The following STRN4 variants were observed in gnomAD, a reference collection of about 807,000 sequenced individuals.
The protein encoded by STRN4 is striatin 4.
A neutral mutation model predicts 77.9 loss-of-function variants in STRN4; 27 were observed. The observed-to-expected ratio is 0.35, with a 90% CI of 0.26 to 0.48. STRN4 has a LOEUF of 0.48. Ranked by LOEUF, STRN4 falls within the 20% of genes least tolerant of loss-of-function variation. The pLI is 0.99. For missense variants in STRN4, 798 were observed against 1,049.7 expected (o/e 0.76, Z 3.31); for synonymous variants, 466 against 443.1 (o/e 1.05, Z -0.65).
rs1403021631 is a variant in STRN4 at position 46,722,396 on chromosome 19, G to T, written c.1907-56C>A. 7.7e-6 allele frequency: 12 copies of T among 1,556,398 alleles called. No homozygotes were observed. The Admixed American group carries it at 2.0e-4, about 26-fold the overall frequency. ...GTCAAGCAGAAAATCAGGAAGACCA[G>T]AACAGAGGCACAAGCGCAGCGTGAC... On this transcript the variant is annotated intron_variant, in intron 14 of 17. Transcript: ENST00000263280.
intron 1 of STRN4, among the ~76,000 whole-genome samples, chr19:46,739,955 G>A (rs2054444415): frequency 6.6e-6 from 1 of 152,188 alleles, no homozygotes; most frequent in African/African-American, 2.4e-5. Flanking sequence ...TTCCTTACGG[G>A]AGGTAGGATC....
At position 46,720,686 on chromosome 19, in the gene STRN4, C is replaced by T; in HGVS notation, c.2178G>A (p.Glu726=). The change falls in exon 17 of 18, where the codon GAG becomes GAA. Residue 726 remains glutamate (E), a synonymous_variant. Transcript: ENST00000263280. ...GGTGGCAGGCAACAGCGTGGATGGC[C>T]TCCTCGTGCTTCTTGCGGTGGGCCG... The part of the protein sequence containing the change: ...EITAHRKKHE[E]AIHAVACHPS... The T allele has an allele frequency of 6.2e-7, 1 of 1,611,284 alleles. No homozygotes were observed. Among genetic ancestry groups the T allele is most frequent in the Non-Finnish European group, 8.5e-7 (1 of 1,178,478 alleles).
At chr19:46,727,804 C>G (rs2054155006) in intron 8 of STRN4, 90 bp downstream of exon 8, 2 of 1,230,832 alleles carry the variant, frequency 1.6e-6, no homozygotes, top group Admixed American at 5.1e-5. Flanking sequence ...GGGCCTCGAC[C>G]CTGAAGACAC....
Position 46,728,662 on chromosome 19 carries a change from G to A in STRN4, c.995C>T (p.Pro332Leu), listed in dbSNP as rs1194463620. 6.2e-7 allele frequency: 1 copy of A among 1,614,146 alleles called. No individual in the cohort carries two copies. The highest frequency in any genetic ancestry group is 1.3e-5 in the African/African-American group (1 of 75,070). The change falls in exon 7 of 18, where the codon CCA becomes CTA. Residue 332 changes from proline (P) to leucine (L), a missense_variant. Physicochemically the swap from Pro to Leu is moderately conservative, Grantham distance 98. Coordinates refer to ENST00000263280, the MANE Select transcript of STRN4 (RefSeq NM_013403.3). Reference sequence around the variant, plus strand: ...ATCCACAGTGCACCGCCGAGGGTCTGGAGCCCCTTCCCCATCCTCTCCTGA... The same window carrying A: ...ATCCACAGTGCACCGCCGAGGGTCTAGAGCCCCTTCCCCATCCTCTCCTGA... Reference protein sequence around the residue: ...LGSGEDGEGAPDPRRCTVDGS... With the variant: ...LGSGEDGEGALDPRRCTVDGS...
Position 46,733,015 on chromosome 19 carries a change from C to T in STRN4, c.737+24G>A, listed in dbSNP as rs1338279059. On this transcript the variant is annotated intron_variant, in intron 5 of 17. Transcript: ENST00000263280. The surrounding 1 kb of genome is among the most constrained non-coding windows in gnomAD (Gnocchi z 4.3). ...AGCAGTCAGGAGGAACAGAGAGACA[C>T]ACCTGCCATGTCCACGGGCTCACCT... The T allele has an allele frequency of 1.3e-6, 2 of 1,595,884 alleles. No homozygotes were observed. The highest frequency in any genetic ancestry group is 1.1e-5 in the South Asian group (1 of 89,978).
chr19:46,729,517 G>A (rs915414948), intron 6 of STRN4, among the ~76,000 whole-genome samples: 4 of 152,304 alleles, frequency 2.6e-5, no homozygotes, highest in Middle Eastern at 3.4e-3. Flanking sequence ...GGGGCATGGA[G>A]AAGACCTAGG....
chr19:46,722,823 G>A lies in STRN4; in HGVS notation c.1893C>T (p.Ser631=). The change falls in exon 14 of 18, where the codon TCC becomes TCT. Residue 631 remains serine, a synonymous_variant. Transcript: ENST00000263280. ...EVGSALLTLE[S]RGSSGPTQIN... is the part of the protein sequence containing the mutation. Reference sequence around the variant, plus strand: ...CAGCCCCCTTACCGCTGCTGCCCCGGGACTCCAGCGTGAGGAGGGCACTGC... The same window carrying A: ...CAGCCCCCTTACCGCTGCTGCCCCGAGACTCCAGCGTGAGGAGGGCACTGC... 1 of 1,613,850 alleles carries A rather than the reference G, an allele frequency of 6.2e-7. No homozygotes were observed. The highest frequency in any genetic ancestry group is 8.5e-7 in the Non-Finnish European group (1 of 1,179,990).
At chr19:46,724,167 G>C (rs1009046296) in intron 12 of STRN4, among the ~76,000 whole-genome samples, 2 of 147,600 alleles carry the variant, frequency 1.4e-5, no homozygotes, top group Middle Eastern at 3.4e-3. Context: ...AGAATCACTT[G>C]AACCCAGGAG....
chr19:46,720,795 G>A lies in STRN4; in HGVS notation c.2093-24C>T, dbSNP rs1321312980. Reference sequence around the variant, plus strand: ...GCCTGCACATGTGTCGGGGACAGAAGGGGTGGTCACTGGGCTCCTCGCTCA... The same window carrying A: ...GCCTGCACATGTGTCGGGGACAGAAAGGGTGGTCACTGGGCTCCTCGCTCA... On this transcript the variant is annotated intron_variant, in intron 16 of 17. Coordinates refer to ENST00000263280, the MANE Select transcript of STRN4 (RefSeq NM_013403.3). 6 of 1,530,622 alleles carry A rather than the reference G, an allele frequency of 3.9e-6. No individual in the cohort carries two copies. The African/African-American group carries it at 5.5e-5, about 14-fold the overall frequency. The allele number at this position is 1,530,622 out of a possible 1,614,324, so 94.8% of individuals were successfully genotyped here.
At chr19:46,737,795 C>T (rs1245668982) in intron 3 of STRN4, among the ~76,000 whole-genome samples, 1 of 152,090 alleles carries the variant, frequency 6.6e-6, no homozygotes, top group South Asian at 2.1e-4. Flanking sequence ...TTTGGATGAA[C>T]GATTGAACGG....
At chr19:46,740,675 C>A (rs1159027407) in intron 1 of STRN4, among the ~76,000 whole-genome samples, 1 of 152,122 alleles carries the variant, frequency 6.6e-6, no homozygotes, top group Non-Finnish European at 1.5e-5. Context: ...TCAATACCTG[C>A]CACTGTTTGG....
At chr19:46,720,956 C>G in intron 16 of STRN4, 185 bp from the exon 17 acceptor site, 2 of 529,806 alleles carry the variant, frequency 3.8e-6, no homozygotes, top group Non-Finnish European at 6.0e-6. Context: ...CTCCTGTCCA[C>G]AGTCCATCTC....
At chr19:46,725,669 C>G in intron 9 of STRN4, 21 bp from the exon 10 acceptor site, 2 of 1,610,572 alleles carry the variant, frequency 1.2e-6, no homozygotes, top group Non-Finnish European at 1.7e-6. Context: ...GGGGAGCTGC[C>G]TCAGTGTCTT....
chr19:46,742,496 A>G (rs188884109), intron 1 of STRN4, among the ~76,000 whole-genome samples: 5 of 152,288 alleles, frequency 3.3e-5, no homozygotes, highest in African/African-American at 1.2e-4. Context: ...AGGTGTGTAA[A>G]AGAGGTGCCG....
rs2053938152 is a variant in STRN4, at chr19:46,719,927, G to A, written c.*478C>T. On this transcript the variant is annotated 3_prime_UTR_variant, in exon 18 of 18. Coordinates refer to ENST00000263280, the MANE Select transcript of STRN4 (RefSeq NM_013403.3). Reference sequence around the variant, plus strand: ...GGAAAGCAGTGGAGAGGGCCGGAGGGGAGGGGCAGCCAGGCCGGGGCTCAG... The same window carrying A: ...GGAAAGCAGTGGAGAGGGCCGGAGGAGAGGGGCAGCCAGGCCGGGGCTCAG... 1 of 152,334 alleles carries A rather than the reference G, an allele frequency of 6.6e-6. No individual in the cohort carries two copies. Among genetic ancestry groups the A allele is most frequent in the African/African-American group, 2.4e-5 (1 of 41,442 alleles). The allele number at this position is 152,334 out of a possible 1,614,324, so 9.4% of individuals were successfully genotyped here.
chr19:46,724,249 C>CAAAAAA (rs71970589), intron 12 of STRN4, among the ~76,000 whole-genome samples: 5 of 87,178 alleles, frequency 5.7e-5, no homozygotes, highest in East Asian at 6.3e-4. Flanking sequence ...CTCTTTGTCT[C>CAAAAAA]AAAAAAAAAA....
In STRN4 at chr19:46,741,441, C is replaced by T. The variant is rs1381752641; in HGVS notation, c.283-2553G>A. ...TTTCCCAGTGCCTCTGGAAAGAGAACCAGAAAGACATGGTTGGAGCATCTC... is the reference window on the plus strand; with the variant it reads ...TTTCCCAGTGCCTCTGGAAAGAGAATCAGAAAGACATGGTTGGAGCATCTC... On this transcript the variant is annotated intron_variant, in intron 1 of 17. Coordinates refer to ENST00000263280, the MANE Select transcript of STRN4 (RefSeq NM_013403.3). This position sits in a 1 kb window ranked among gnomAD's most constrained non-coding sequence, Gnocchi z 4.9. 2.0e-5 allele frequency among the ~76,000 whole-genome samples: 3 copies of T among 152,182 alleles called. No homozygotes were observed. The highest frequency in any genetic ancestry group is 4.8e-5 in the African/African-American group (2 of 41,456).
intron 16 of STRN4, 177 bp from the exon 17 acceptor site, chr19:46,720,948 C>T (rs1284536284): frequency 3.4e-6 from 2 of 593,344 alleles, no homozygotes; most frequent in Non-Finnish European, 2.6e-6. Flanking sequence ...CTGGTCCCCT[C>T]CTGTCCACAG....
At chr19:46,735,732 A>G (rs776923514) in intron 4 of STRN4, among the ~76,000 whole-genome samples, 8 of 152,168 alleles carry the variant, frequency 5.3e-5, no homozygotes, top group Admixed American at 4.6e-4. Context: ...TGGGAGGCCA[A>G]GGCAGGCGGA....
Sources: gnomAD v4.1 joint callset for allele counts (sites outside exome capture counted in the v4.1 genomes callset) on GRCh38, gnomAD v4.1.1 for gene constraint, Gnocchi (gnomAD v3.1) non-coding constraint, MANE v1.5 for transcripts, NCBI Gene and HGNC (gene_info 2026-07-23, HGNC 2026-07-21) for gene names.